Variants in UROS observed in about 807,000 individuals in gnomAD.
UROS encodes the protein uroporphyrinogen III synthase.
Under a neutral mutation model 33.0 loss-of-function variants are expected in UROS, and 18 were observed. That is an observed-to-expected ratio of 0.55 (90% CI 0.38 to 0.81). The LOEUF is 0.81. Ranked by LOEUF, UROS falls within the 30% of genes least tolerant of loss-of-function variation. The pLI, the probability that UROS is intolerant of heterozygous loss-of-function variation, is 0.00. For synonymous variants in UROS, 114 were observed against 121.1 expected (o/e 0.94, Z 0.38); for missense variants, 293 against 314.9 (o/e 0.93, Z 0.53).
chr10:125,812,874 CAA>C (rs1257766223), intron 4 of UROS, among the ~76,000 whole-genome samples: 1 of 152,060 alleles, frequency 6.6e-6, no homozygotes, highest in African/African-American at 2.4e-5. Context: ...TAAAGAAACA[CAA>C]AGAGAAAATG....
At chr10:125,807,357 T>C in intron 6 of UROS, 56 bp downstream of exon 6, 3 of 1,459,214 alleles carry the variant, frequency 2.1e-6, no homozygotes. Context: ...TAGGTAGTGG[T>C]TGTGAGGTCA....
chr10:125,800,149 T>C (rs1158886259), intron 6 of UROS, among the ~76,000 whole-genome samples: 1 of 152,026 alleles, frequency 6.6e-6, no homozygotes, highest in Non-Finnish European at 1.5e-5. Flanking sequence ...AAGAAAATGA[T>C]GATACAAGCA....
chr10:125,815,573 C>T (rs1296568908), intron 3 of UROS, among the ~76,000 whole-genome samples: 1 of 152,192 alleles, frequency 6.6e-6, no homozygotes, highest in Admixed American at 6.5e-5. Flanking sequence ...ATCTACCGAA[C>T]ATTTACTCTG....
At chr10:125,808,078 C>T (rs1222151722) in intron 5 of UROS, among the ~76,000 whole-genome samples, 1 of 152,194 alleles carries the variant, frequency 6.6e-6, no homozygotes, top group East Asian at 1.9e-4. Flanking sequence ...AGGGGCTATA[C>T]CAGCACTTTT....
chr10:125,785,146 A>G (rs990362172), downstream of UROS: 2 of 152,220 alleles, frequency 1.3e-5, no homozygotes, highest in Admixed American at 1.3e-4. Flanking sequence ...TACACTCAAG[A>G]AGTCTAGAGT....
chr10:125,814,645 G>A (rs1022556439), intron 4 of UROS, among the ~76,000 whole-genome samples: 2 of 152,172 alleles, frequency 1.3e-5, no homozygotes, highest in South Asian at 2.1e-4. Context: ...AGTGAGGGAC[G>A]GAGGTGGGAA....
At chr10:125,822,347 C>A (rs1322049565) in intron 1 of UROS, among the ~76,000 whole-genome samples, 4 of 149,148 alleles carry the variant, frequency 2.7e-5, no homozygotes, top group Admixed American at 2.7e-4. Flanking sequence ...ATAGGGTCTA[C>A]CTCTGTCGCC....
At chr10:125,805,990 A>G (rs1249080968) in intron 6 of UROS, among the ~76,000 whole-genome samples, 1 of 152,090 alleles carries the variant, frequency 6.6e-6, no homozygotes, top group Non-Finnish European at 1.5e-5. Context: ...GCCGCCCCCA[A>G]CCCAGACGAC....
At chr10:125,795,584 A>T (rs1465032459) in intron 8 of UROS, among the ~76,000 whole-genome samples, 1 of 151,270 alleles carries the variant, frequency 6.6e-6, no homozygotes, top group Non-Finnish European at 1.5e-5. Context: ...TTCAATCCAG[A>T]CTCCTTGGTG....
intron 7 of UROS, chr10:125,796,767 C>A (rs12261626): frequency 2.0e-6 from 2 of 984,490 alleles, no homozygotes; most frequent in Non-Finnish European, 2.4e-6. Flanking sequence ...GGTGATGAGG[C>A]GCTAGGCACT....
At chr10:125,786,087 T>A (rs901222514), downstream of UROS, among the ~76,000 whole-genome samples, 7 of 152,026 alleles carry the variant, frequency 4.6e-5, no homozygotes, top group African/African-American at 1.7e-4. Context: ...ACTCAGGGTG[T>A]CGAGTGAGAC....
intron 9 of UROS, chr10:125,789,450 G>T (rs1850764416): frequency 1.0e-6 from 1 of 964,196 alleles, no homozygotes; most frequent in African/African-American, 1.7e-5. Flanking sequence ...TGTGGGCACA[G>T]GGTTGGGATT....
At chr10:125,816,084 A>C in intron 3 of UROS, 93 bp downstream of exon 3, 1 of 1,256,386 alleles carries the variant, frequency 8.0e-7, no homozygotes, top group Non-Finnish European at 1.2e-6. Flanking sequence ...TTTGGGAATA[A>C]AATAAGAAGA....
At chr10:125,793,830 C>A (rs2133820022) in intron 9 of UROS, 1 of 152,338 alleles carries the variant, frequency 6.6e-6, no homozygotes, top group Middle Eastern at 3.4e-3. Context: ...CAGGTGGGAG[C>A]CACAGCGCCC....
chr10:125,820,855 A>T (rs966592719), intron 1 of UROS, among the ~76,000 whole-genome samples: 1 of 152,226 alleles, frequency 6.6e-6, no homozygotes, highest in Non-Finnish European at 1.5e-5. Flanking sequence ...TTCTGAGCTA[A>T]AGATGAACAC....
chr10:125,819,232 T>C (rs1014153386), intron 1 of UROS, among the ~76,000 whole-genome samples: 1 of 152,194 alleles, frequency 6.6e-6, no homozygotes, highest in South Asian at 2.1e-4. Context: ...TCCGGCTGCC[T>C]TGGCTTCCCA....
chr10:125,796,455 C>T (rs1352015814), intron 7 of UROS, among the ~76,000 whole-genome samples: 1 of 152,202 alleles, frequency 6.6e-6, no homozygotes, highest in Non-Finnish European at 1.5e-5. Flanking sequence ...TCATTTGTAC[C>T]CAGAATGCCT....
intron 6 of UROS, among the ~76,000 whole-genome samples, chr10:125,804,719 C>T (rs1852165980): frequency 6.6e-6 from 1 of 152,204 alleles, no homozygotes; most frequent in African/African-American, 2.4e-5. Context: ...AAAAACCCCA[C>T]CTATTTGGTA....
rs764176279 is a variant in UROS, at chr10:125,796,131, C to G, written c.533G>C (p.Gly178Ala). 42 of 1,614,090 alleles carry G rather than the reference C, an allele frequency of 2.6e-5. No homozygotes were observed. Among genetic ancestry groups the G allele is most frequent in the East Asian group, 2.0e-4 (9 of 44,890 alleles). The change falls in exon 8 of 10, where the codon GGG (glycine) becomes GCG (alanine). Residue 178 changes from glycine (G) to alanine (A), a missense_variant. Coordinates refer to ENST00000368797, the MANE Select transcript of UROS (RefSeq NM_000375.3). The part of the protein sequence containing the change: ...YQTVAHPGIQ[G>A]NLNSYYSQQG... ...CTGGGAATAGTAGCTGTTCAGGTTC[C>G]CTTGGATTCCTGGGTGTGCAACTGT...
Sources: gnomAD v4.1 joint callset for allele counts (sites outside exome capture counted in the v4.1 genomes callset) on GRCh38, gnomAD v4.1.1 for gene constraint, MANE v1.5 for transcripts, NCBI Gene and HGNC (gene_info 2026-07-23, HGNC 2026-07-21) for gene names.